The following HR variants were observed in gnomAD, a reference collection of about 807,000 sequenced individuals.
The protein encoded by HR is HR lysine demethylase and nuclear receptor corepressor.
In HR, 83 loss-of-function variants were observed where a neutral mutation model predicts 128.6. That is an observed-to-expected ratio of 0.65 (90% CI 0.54 to 0.77). HR has a LOEUF of 0.77. Among genes scored for constraint, HR ranks in the 30% least tolerant of loss-of-function variants. The pLI, the probability that HR is intolerant of heterozygous loss-of-function variation, is 0.00. For missense variants in HR, 1,490 were observed against 1,574.6 expected (o/e 0.95, Z 0.91); for synonymous variants, 681 against 658.2 (o/e 1.03, Z -0.53).
At chr8:22,127,948 A>G in intron 2 of HR, 119 bp from the exon 3 acceptor site, 1 of 1,019,266 alleles carries the variant, frequency 9.8e-7, no homozygotes, top group Non-Finnish European at 1.5e-6. Flanking sequence ...CATTCTGATT[A>G]ATAAACAGCA....
At position 22,122,765 on chromosome 8, in the gene HR, G is replaced by A. The variant is rs770741090; in HGVS notation, c.2005+25C>T. ...CTCCCTCAGGACCCAACCTCTGCAC[G>A]CCCCACCCCTCCAAGATGGCTCACC... On this transcript the variant is annotated intron_variant, in intron 7 of 18. Transcript: ENST00000381418. The A allele has an allele frequency of 1.0e-5, 16 of 1,545,978 alleles. No individual in the cohort carries two copies. The Admixed American group carries it at 1.4e-4, about 13-fold the overall frequency.
In HR at chr8:22,127,465, C is replaced by A. The variant is rs1826927397; in HGVS notation, c.977G>T (p.Cys326Phe). The change falls in exon 3 of 19, where the codon TGC becomes TTC. Residue 326 changes from cysteine (C) to phenylalanine (F), a missense_variant. By Grantham distance (205) the Cys-to-Phe change is radical. Transcript: ENST00000381418. ...TTTAGTGGGTGGGTAGGATGAACAG[C>A]AGCCCCGCTGGGTGACAGGCGGCTC... ...SPEPPVTQRG[C>F]CSSYPPTKGG... 2 of 1,610,592 alleles carry A rather than the reference C, an allele frequency of 1.2e-6. No individual in the cohort carries two copies. Among genetic ancestry groups the A allele is most frequent in the African/African-American group, 2.7e-5 (2 of 74,892 alleles).
intron 2 of HR, chr8:22,128,246 G>A (rs1826953019): frequency 1.9e-6 from 1 of 535,494 alleles, no homozygotes; most frequent in Non-Finnish European, 3.4e-6. Flanking sequence ...GAGGGCCCTT[G>A]TCTGCCCACC....
At chr8:22,120,569 A>C (rs1026275848) in intron 11 of HR, 62 bp from the exon 12 acceptor site, 49 of 1,606,138 alleles carry the variant, frequency 3.1e-5, no homozygotes, top group East Asian at 6.7e-5. Context: ...ATGGCCAGGC[A>C]AGGGCGTGTT....
intron 7 of HR, 91 bp from the exon 8 acceptor site, chr8:22,122,699 G>T (rs1001954646): frequency 6.7e-7 from 1 of 1,481,812 alleles, no homozygotes; most frequent in Non-Finnish European, 9.2e-7. Flanking sequence ...AAGCAGAAGG[G>T]CATGGCACTG....
At chr8:22,126,978 G>GCCCCCCCCCCCGCGGC in intron 3 of HR, 59 bp downstream of exon 3, 2 of 1,490,244 alleles carry the variant, frequency 1.3e-6, no homozygotes, top group Non-Finnish European at 1.8e-6. Flanking sequence ...CCCATGCGAA[G>GCCCCCCCCCCCGCGGC]CCCCAGCCCC....
chr8:22,122,962 C>A (rs931608744), intron 6 of HR, 83 bp from the exon 7 acceptor site: 20 of 1,322,356 alleles, frequency 1.5e-5, no homozygotes, highest in Admixed American at 2.0e-5. Context: ...GGACATGATA[C>A]CTAAACCAGG....
In HR at chr8:22,116,159, A is replaced by G; in HGVS notation, c.3507+141T>C. ...CAAAAAACAAAATGAAACAAACTAA[A>G]CAAAAGGAATACTCTGCCCCTGCAC... On this transcript the variant is annotated intron_variant, in intron 18 of 18. Transcript: ENST00000381418. The surrounding 1 kb of genome is among the most constrained non-coding windows in gnomAD (Gnocchi z 4.2). 1.7e-6 allele frequency: 2 copies of G among 1,176,720 alleles called. No individual in the cohort carries two copies. The highest frequency in any genetic ancestry group is 4.9e-5 in the East Asian group (2 of 40,476). The allele number at this position is 1,176,720 out of a possible 1,614,324, so 72.9% of individuals were successfully genotyped here.
Position 22,122,527 on chromosome 8 carries a change from G to T in HR, c.2087C>A (p.Ala696Asp), listed in dbSNP as rs746721051. The part of the protein sequence containing the change: ...IRGHCPCQAD[A>D]RVWAPGDAGQ... The stretch of plus-strand genomic sequence containing the variant: ...TGCATCCCCGGGGGCCCATACCCGG[G>T]CATCAGCTTGGCAGGGGCAGTGCCC... Residue 696 changes from alanine (A) to aspartate (D), a missense_variant, in exon 8 of 19, where the codon GCC becomes GAC. Physicochemically the swap from Ala to Asp is moderately radical, Grantham distance 126. Transcript: ENST00000381418. The T allele has an allele frequency of 3.1e-6, 5 of 1,611,642 alleles. No individual in the cohort carries two copies. The Admixed American group carries it at 5.0e-5, about 16-fold the overall frequency.
chr8:22,129,259 C>T (rs1267361590), intron 1 of HR, 49 bp from the exon 2 acceptor site: 2 of 1,463,618 alleles, frequency 1.4e-6, no homozygotes, highest in Admixed American at 2.3e-5. Context: ...ATGTCCCAAG[C>T]ACCTTACAGC....
At chr8:22,128,407 T>C in intron 2 of HR, 152 bp downstream of exon 2, 1 of 1,098,686 alleles carries the variant, frequency 9.1e-7, no homozygotes, top group Non-Finnish European at 1.3e-6. Flanking sequence ...TTGCTTGGGG[T>C]TGACTGTGGG....
At chr8:22,125,884 AC>A in intron 3 of HR, 152 bp from the exon 4 acceptor site, 1 of 900,850 alleles carries the variant, frequency 1.1e-6, no homozygotes, top group Non-Finnish European at 1.7e-6. Flanking sequence ...GCAAGAGTGG[AC>A]CAGGCAGCTG....
At position 22,127,576 on chromosome 8, in the gene HR, G is replaced by A. The variant is rs1826931437; in HGVS notation, c.866C>T (p.Thr289Ile). ...TGGCCCAGCCCAGACGTTGCCAAGA[G>A]TATGAACAAGGCCTGGGGGACAAGC... ...WPACPPGLVH[T>I]LGNVWAGPGD... The change falls in exon 3 of 19, where the codon ACT (threonine) becomes ATT (isoleucine). Residue 289 changes from threonine (T) to isoleucine (I), a missense_variant. Thr to Ile is a moderately conservative substitution (Grantham distance 89). This residue lies in a region of HR where 1,060 missense variants were observed against 1,060.9 expected (regional missense o/e 1.00). Transcript: ENST00000381418. The A allele has an allele frequency of 1.2e-6, 2 of 1,612,820 alleles. No homozygotes were observed. The highest frequency in any genetic ancestry group is 1.7e-6 in the Non-Finnish European group (2 of 1,180,006).
rs1204641374 is a variant in HR at position 22,127,797 on chromosome 8, C to T, written c.645G>A (p.Arg215=). ...GFYYKDPSIP[R]LAKEPLAAAE... is the part of the protein sequence containing the mutation. The stretch of plus-strand genomic sequence containing the variant: ...CAGCTGCCAAGGGCTCCTTTGCCAA[C>T]CTGGGAATGCTCGGATCCTTGTAGT... Residue 215 remains arginine, a synonymous_variant, in exon 3 of 19, where the codon AGG becomes AGA. Coordinates refer to ENST00000381418, the MANE Select transcript of HR (RefSeq NM_005144.5). The T allele has an allele frequency of 1.3e-6, 2 of 1,598,970 alleles. No homozygotes were observed. Among genetic ancestry groups the T allele is most frequent in the East Asian group, 4.5e-5 (2 of 44,872 alleles).
rs756982904 is a variant in HR at position 22,128,696 on chromosome 8, C to T, written c.475G>A (p.Val159Met). Residue 159 changes from valine (V) to methionine (M), a missense_variant, in exon 2 of 19, where the codon GTG (valine) becomes ATG (methionine). Around this residue, in one of 3 missense-constraint regions of HR, gnomAD observed 1,060 missense variants for 1,060.9 expected, o/e 1.00. Transcript: ENST00000381418. ...AGGTAGGGTGGCAAGCAGGTGGGCA[C>T]CCAGAAGGGAGCTCGCTCCAGGATC... ...TKILERAPFW[V>M]PTCLPPYLVS... The T allele has an allele frequency of 6.3e-7, 1 of 1,583,952 alleles. No individual in the cohort carries two copies. The highest frequency in any genetic ancestry group is 8.6e-7 in the Non-Finnish European group (1 of 1,165,376).
At position 22,116,854 on chromosome 8, in the gene HR, C is replaced by T. The variant is rs370993674; in HGVS notation, c.3378+21G>A. On this transcript the variant is annotated intron_variant, in intron 17 of 18. Transcript: ENST00000381418. The surrounding 1 kb of genome is among the most constrained non-coding windows in gnomAD (Gnocchi z 4.2). ...CTGCCATCCTGATCTCCCCGCAGAG[C>T]CCCTGCCCGCTGGGAAGCACCTGGT... The T allele has an allele frequency of 6.4e-7, 1 of 1,563,050 alleles. No homozygotes were observed. Among genetic ancestry groups the T allele is most frequent in the Non-Finnish European group, 8.6e-7 (1 of 1,158,506 alleles).
rs760581751 is a variant in HR, at chr8:22,127,659, C to T, written c.783G>A (p.Gln261=). Residue 261 remains glutamine, a synonymous_variant, in exon 3 of 19, where the codon CAG becomes CAA. Transcript: ENST00000381418. ...RDGEMGAGRQ[Q]NPCPLFLGQP... ...GCCCCAGGAAGAGCGGGCAAGGATT[C>T]TGCTGCCGGCCAGCTCCCATCTCTC... The T allele has an allele frequency of 6.2e-7, 1 of 1,609,278 alleles. No homozygotes were observed. Among genetic ancestry groups the T allele is most frequent in the Non-Finnish European group, 8.5e-7 (1 of 1,178,822 alleles).
chr8:22,122,810 G>A lies in HR; in HGVS notation c.1985C>T (p.Thr662Ile). 1 of 1,554,876 alleles carries A rather than the reference G, an allele frequency of 6.4e-7. No individual in the cohort carries two copies. Among genetic ancestry groups the A allele is most frequent in the Non-Finnish European group, 8.7e-7 (1 of 1,149,320 alleles). Reference sequence around the variant, plus strand: ...CTCACCCTGGCTGGAGACAAACTGGGTCAGCATCAGGGAACAGGCAGCGTG... The same window carrying A: ...CTCACCCTGGCTGGAGACAAACTGGATCAGCATCAGGGAACAGGCAGCGTG... Reference protein sequence around the residue: ...AGHAACSLMLTQFVSSQALAE... With the variant: ...AGHAACSLMLIQFVSSQALAE... The change falls in exon 7 of 19, where the codon ACC becomes ATC. Residue 662 changes from threonine (T) to isoleucine (I), a missense_variant. Coordinates refer to ENST00000381418, the MANE Select transcript of HR (RefSeq NM_005144.5).
chr8:22,120,115 C>T lies in HR; in HGVS notation c.2835G>A (p.Glu945=). ...GGTGACATACACACCTGCTGGTGTC[C>T]TCATCCCCCAAAGCTCGGTGCAGCA... ...VLLLHRALGD[E]DTSRVENLAA... Residue 945 remains glutamate, a synonymous_variant, in exon 13 of 19, where the codon GAG becomes GAA. Coordinates refer to ENST00000381418, the MANE Select transcript of HR (RefSeq NM_005144.5). The T allele has an allele frequency of 6.3e-7, 1 of 1,588,524 alleles. No homozygotes were observed. The highest frequency in any genetic ancestry group is 1.7e-4 in the Middle Eastern group (1 of 6,042).
Sources: allele counts gnomAD v4.1 joint callset, GRCh38; gene constraint gnomAD v4.1.1; regional missense constraint gnomAD v4.1.1; non-coding constraint Gnocchi (gnomAD v3.1); transcripts MANE v1.5; gene names NCBI Gene and HGNC (gene_info 2026-07-23, HGNC 2026-07-21).